Variants in PCYT1B observed in about 807,000 individuals in gnomAD.
PCYT1B encodes the protein phosphate cytidylyltransferase 1B, choline, also known as choline-phosphate cytidylyltransferase B.
PCYT1B carries 10 observed loss-of-function variants against 26.4 expected under a neutral mutation model. That is an observed-to-expected ratio of 0.38 (90% confidence interval 0.23 to 0.64). PCYT1B has a LOEUF of 0.64. Ranked by LOEUF, PCYT1B falls within the 30% of genes least tolerant of loss-of-function variation. The pLI, the probability that PCYT1B is intolerant of heterozygous loss-of-function variation, is 0.56. For missense variants in PCYT1B, 161 were observed against 292.7 expected (o/e 0.55, Z 3.28); for synonymous variants, 131 against 108.4 (o/e 1.21, Z -1.29).
At chrX:24,639,209 G>A (rs1462724117) in intron 1 of PCYT1B, among the ~76,000 whole-genome samples, 1 of 112,406 alleles carries the variant, frequency 8.9e-6, no homozygotes, top group East Asian at 2.8e-4. Flanking sequence ...AAGTTCCAAG[G>A]CAATGAAAGC....
intron 1 of PCYT1B, among the ~76,000 whole-genome samples, chrX:24,630,946 G>A (rs1345792641): frequency 1.8e-5 from 2 of 110,936 alleles, no homozygotes; most frequent in African/African-American, 6.6e-5. Context: ...TTTTTGAGAC[G>A]GAGTCTTGCA....
At chrX:24,669,663 T>C (rs187202954) in intron 1 of PCYT1B, among the ~76,000 whole-genome samples, 1 of 109,358 alleles carries the variant, frequency 9.1e-6, no homozygotes, top group Non-Finnish European at 1.9e-5. Context: ...AAAAGTGAAA[T>C]TGGATGCTGG....
chrX:24,587,796 G>A (rs978205423), intron 4 of PCYT1B, among the ~76,000 whole-genome samples: 6 of 112,377 alleles, frequency 5.3e-5, no homozygotes, highest in Non-Finnish European at 7.5e-5. Flanking sequence ...TTGTGAGGTG[G>A]GCAGGCCACA....
At chrX:24,573,165 T>C (rs7879096) in intron 7 of PCYT1B, among the ~76,000 whole-genome samples, 39 of 30,905 alleles carry the variant, frequency 1.3e-3, no homozygotes, top group African/African-American at 2.7e-3. Flanking sequence ...CACACACACA[T>C]ATATATATAT....
chrX:24,615,549 C>A (rs1413431413), intron 2 of PCYT1B, among the ~76,000 whole-genome samples: 1 of 109,338 alleles, frequency 9.1e-6, no homozygotes, highest in African/African-American at 3.3e-5. Flanking sequence ...ACTGCAACCT[C>A]TGCCTCCCAG....
chrX:24,655,396 T>A (rs1926883799), intron 1 of PCYT1B, among the ~76,000 whole-genome samples: 1 of 112,652 alleles, frequency 8.9e-6, no homozygotes, highest in African/African-American at 3.2e-5. Flanking sequence ...CATGAAGCAC[T>A]CTTTACTTTT....
intron 1 of PCYT1B, among the ~76,000 whole-genome samples, chrX:24,667,081 C>T (rs753696064): frequency 1.8e-5 from 2 of 109,557 alleles, no homozygotes; most frequent in Non-Finnish European, 3.8e-5. Flanking sequence ...TAGGGTCTGC[C>T]AGGGAGAGGT....
chrX:24,649,840 C>T (rs950931933), upstream of PCYT1B, among the ~76,000 whole-genome samples: 3 of 112,226 alleles, frequency 2.7e-5, no homozygotes, highest in South Asian at 3.7e-4. Flanking sequence ...GTGCTAAGTC[C>T]GTCACACCTG....
At chrX:24,621,025 T>C (rs1317421755) in intron 1 of PCYT1B, among the ~76,000 whole-genome samples, 1 of 112,213 alleles carries the variant, frequency 8.9e-6, no homozygotes, top group Non-Finnish European at 1.9e-5. Context: ...TACCAACTTA[T>C]TGACTCTTTC....
chrX:24,614,001 AAG>A (rs1925402193), intron 2 of PCYT1B, among the ~76,000 whole-genome samples: 1 of 108,884 alleles, frequency 9.2e-6, no homozygotes, highest in Non-Finnish European at 1.9e-5. Context: ...GAAAGAAAGA[AAG>A]AGAGAAAAGA....
intron 1 of PCYT1B, among the ~76,000 whole-genome samples, chrX:24,620,921 C>T (rs1473222210): frequency 6.3e-5 from 7 of 111,896 alleles, no homozygotes; most frequent in African/African-American, 2.3e-4. Flanking sequence ...CCCACAGCTT[C>T]AGCTCTAATA....
At chrX:24,653,200 G>A (rs758018437) in intron 1 of PCYT1B, among the ~76,000 whole-genome samples, 1 of 111,866 alleles carries the variant, frequency 8.9e-6, no homozygotes, top group African/African-American at 3.2e-5. Context: ...AATTACTTTT[G>A]CGCCAACCTA....
chrX:24,624,217 C>T (rs1388263358), intron 1 of PCYT1B, among the ~76,000 whole-genome samples: 3 of 111,173 alleles, frequency 2.7e-5, no homozygotes, highest in African/African-American at 9.8e-5. Context: ...GATCCGCCCG[C>T]CTTGGCCTCC....
intron 5 of PCYT1B, among the ~76,000 whole-genome samples, chrX:24,583,026 C>T (rs1389101297): frequency 8.9e-6 from 1 of 111,871 alleles, no homozygotes; most frequent in Non-Finnish European, 1.9e-5. Context: ...AAGTAAAATG[C>T]TACCTGACTA....
Position 24,670,096 on chromosome X carries a change from GAAAGAAAGAAAGA to G in PCYT1B, c.63+2461_63+2473del, listed in dbSNP as rs1569261846. Among the ~76,000 whole-genome samples the G allele has an allele frequency of 3.7e-3, 329 of 89,754 alleles. 2 individuals carry two copies. The highest frequency in any genetic ancestry group is 0.016 in the Admixed American group (115 of 7,252). 77.9% of individuals were successfully genotyped at this position (89,754 alleles called of 115,157 possible). A position where few individuals can be genotyped will look rare whatever the true frequency, so the allele number is the denominator to read the frequency against. ...AGAAAGAAAGAAAGAAAGAAAGAAA[GAAAGAAAGAAAGA>G]AAGAAAGGAAGGAAGGAAGGAAGGA... is the stretch of plus-strand genomic sequence containing the variant. On this transcript the variant is annotated intron_variant, in intron 1 of 7. Coordinates refer to the PCYT1B transcript ENST00000379145.
At chrX:24,599,417 C>T (rs1924889401) in intron 3 of PCYT1B, among the ~76,000 whole-genome samples, 1 of 111,993 alleles carries the variant, frequency 8.9e-6, no homozygotes, top group African/African-American at 3.2e-5. Context: ...CATATTTCAG[C>T]ACTTATAACT....
chrX:24,561,955 C>G lies in PCYT1B; in HGVS notation c.*338G>C, dbSNP rs1923432507. On this transcript the variant is annotated 3_prime_UTR_variant, in exon 8 of 8. Coordinates refer to ENST00000379144, the MANE Select transcript of PCYT1B (RefSeq NM_004845.5). ...AACAGCCGCTGCCACAGGTGGTTTA[C>G]TTGGTGGGGGTGGTGGAAGGACCAA... 1 of 609,811 alleles carries G rather than the reference C, an allele frequency of 1.6e-6. No homozygotes were observed. Among genetic ancestry groups the G allele is most frequent in the Non-Finnish European group, 2.6e-6 (1 of 377,586 alleles). The allele number at this position is 609,811 out of a possible 1,213,427, so 50.3% of individuals were successfully genotyped here.
At chrX:24,621,556 C>G (rs1390304157) in intron 1 of PCYT1B, among the ~76,000 whole-genome samples, 1 of 110,798 alleles carries the variant, frequency 9.0e-6, no homozygotes, top group East Asian at 2.8e-4. Context: ...ACCTCACTGC[C>G]ACATCCGTCT....
intron 1 of PCYT1B, among the ~76,000 whole-genome samples, chrX:24,623,693 A>G (rs1925779490): frequency 9.0e-6 from 1 of 111,576 alleles, no homozygotes; most frequent in Non-Finnish European, 1.9e-5. Context: ...TAAAGAAGAC[A>G]TTATATGTTG....
Sources: gnomAD v4.1 joint callset for allele counts (sites outside exome capture counted in the v4.1 genomes callset) on GRCh38, gnomAD v4.1.1 for gene constraint, MANE v1.5 for transcripts, NCBI Gene and HGNC (gene_info 2026-07-23, HGNC 2026-07-21) for gene names.